SLC3A2: variants seen among roughly 807,000 people sequenced by gnomAD.
SLC3A2 encodes the protein amino acid transporter heavy chain SLC3A2.
Under a neutral mutation model 48.5 loss-of-function variants are expected in SLC3A2, and 32 were observed. That is an observed-to-expected ratio of 0.66 (90% CI 0.50 to 0.89). SLC3A2 has a LOEUF of 0.89. Ranked by LOEUF, SLC3A2 falls within the 40% of genes least tolerant of loss-of-function variation. SLC3A2 has a pLI of 0.00. For synonymous variants in SLC3A2, 277 were observed against 288.8 expected, an observed-to-expected ratio of 0.96 and a Z score of 0.41; for missense variants, 587 against 680.7, an observed-to-expected ratio of 0.86 and a Z score of 1.53.
Position 62,870,583 on chromosome 11 carries a change from A to G in SLC3A2, c.113-10436A>G, listed in dbSNP as rs140008805. On this transcript the variant is annotated intron_variant, in intron 1 of 9. Transcript: ENST00000377889. ...TTGGTAAATAGTTCATTCTTTCCCC[A>G]CTGATTATATTATCTCTGTCGTATA... Among the ~76,000 whole-genome samples, 564 of 151,644 alleles carry G rather than the reference A, an allele frequency of 3.7e-3. 7 individuals carry two copies. Among genetic ancestry groups the G allele is most frequent in the African/African-American group, 0.013 (545 of 41,278 alleles).
At chr11:62,865,280 C>T (rs977530323) in intron 1 of SLC3A2, among the ~76,000 whole-genome samples, 4 of 152,054 alleles carry the variant, frequency 2.6e-5, no homozygotes, top group South Asian at 2.1e-4. Flanking sequence ...CAGCCAGGTG[C>T]GGTGGCTCAT....
intron 5 of SLC3A2, 40 bp from the exon 6 acceptor site, chr11:62,885,133 ATTCT>A: frequency 6.2e-7 from 1 of 1,604,276 alleles, no homozygotes; most frequent in Non-Finnish European, 8.5e-7. Context: ...GCCTGGCCCC[ATTCT>A]TTCTTGTGCT....
upstream of SLC3A2, chr11:62,880,385 G>GCAGAGGTCTAGCGCCAAGTCC (rs2085616789): frequency 6.6e-6 from 1 of 152,426 alleles, no homozygotes; most frequent in Non-Finnish European, 1.5e-5. Context: ...CAGAGGTCTA[G>GCAGAGGTCTAGCGCCAAGTCC]CAGAGGTCTA....
In SLC3A2 at chr11:62,885,539, C is replaced by A. The variant is rs1447464348; in HGVS notation, c.1074C>A (p.Thr358=). The change falls in exon 7 of 9, where the codon ACC becomes ACA. Residue 358 remains threonine (T), a synonymous_variant. Transcript: ENST00000338663. ...GACTCTACCAGCTGATGCTCTTCAC[C>A]CTGCCAGGGACCCCTGTTTTCAGCT... ...LLRLYQLMLF[T]LPGTPVFSYG... The A allele has an allele frequency of 6.2e-7, 1 of 1,614,214 alleles. No homozygotes were observed. The highest frequency in any genetic ancestry group is 8.5e-7 in the Non-Finnish European group (1 of 1,180,040).
Position 62,888,720 on chromosome 11 carries a change from C to G in SLC3A2, c.*27C>G. The G allele has an allele frequency of 6.5e-7, 1 of 1,530,908 alleles. No homozygotes were observed. Among genetic ancestry groups the G allele is most frequent in the Non-Finnish European group, 8.7e-7 (1 of 1,143,322 alleles). 94.8% of individuals were successfully genotyped at this position (1,530,908 alleles called of 1,614,324 possible). On this transcript the variant is annotated 3_prime_UTR_variant, in exon 9 of 9. Transcript: ENST00000338663. ...TTCAGCCTGACATGGACCCACTACC[C>G]TTCTCCTTTCCTTCCCAGGCCCTTT...
At chr11:62,877,020 C>A, upstream of SLC3A2, 4 of 798,106 alleles carry the variant, frequency 5.0e-6, no homozygotes, top group African/African-American at 1.9e-5. Flanking sequence ...TTTGTCTTCA[C>A]ATGCTAGTTT....
chr11:62,877,413 A>T (rs1433583405), upstream of SLC3A2, among the ~76,000 whole-genome samples: 4 of 152,174 alleles, frequency 2.6e-5, no homozygotes, highest in African/African-American at 9.7e-5. Context: ...TAGTTCATCC[A>T]CTTATTTACC....
chr11:62,866,151 C>G (rs1401045734), intron 1 of SLC3A2, among the ~76,000 whole-genome samples: 1 of 147,914 alleles, frequency 6.8e-6, no homozygotes, highest in Non-Finnish European at 1.5e-5. Context: ...GAGTTTTGCT[C>G]TTGTCGCCCA....
At chr11:62,863,368 T>C (rs2085421668) in intron 1 of SLC3A2, among the ~76,000 whole-genome samples, 1 of 152,218 alleles carries the variant, frequency 6.6e-6, no homozygotes, top group African/African-American at 2.4e-5. Flanking sequence ...TGTAGGCATG[T>C]GCCATCACAC....
In SLC3A2 at chr11:62,888,651, G is replaced by A. The variant is rs2085748214; in HGVS notation, c.1548G>A (p.Glu516=). The A allele has an allele frequency of 3.7e-6, 6 of 1,604,290 alleles. No individual in the cohort carries two copies. The highest frequency in any genetic ancestry group is 5.1e-6 in the Non-Finnish European group (6 of 1,179,508). Residue 516 remains glutamate (E), a synonymous_variant, in exon 9 of 9, where the codon GAG becomes GAA. Coordinates refer to ENST00000338663, the MANE Select transcript of SLC3A2 (RefSeq NM_001013251.3). Reference sequence around the variant, plus strand: ...TTGAGCTGGAACGCCTGAAACTGGAGCCTCACGAAGGGCTGCTGCTCCGCT... The same window carrying A: ...TTGAGCTGGAACGCCTGAAACTGGAACCTCACGAAGGGCTGCTGCTCCGCT... ...SPLELERLKL[E]PHEGLLLRFP...
upstream of SLC3A2, chr11:62,880,421 G>A (rs1227197653): frequency 6.6e-6 from 1 of 152,512 alleles, no homozygotes; most frequent in Non-Finnish European, 1.5e-5. Flanking sequence ...GGCCTGAGAG[G>A]GCAAGCCTTG....
In SLC3A2 at chr11:62,888,339, T is replaced by A. The variant is rs767758776; in HGVS notation, c.1236T>A (p.Ser412Arg). 1 of 1,613,594 alleles carries A rather than the reference T, an allele frequency of 6.2e-7. No individual in the cohort carries two copies. The highest frequency in any genetic ancestry group is 1.1e-5 in the South Asian group (1 of 91,080). Reference protein sequence around the residue: ...VSANMTVKGQSEDPGSLLSLF... With the variant: ...VSANMTVKGQREDPGSLLSLF... ...GTTTTTATCATTCTTAGGGCCAGAGTGAAGACCCTGGCTCCCTCCTTTCCT... is the reference window on the plus strand; with the variant it reads ...GTTTTTATCATTCTTAGGGCCAGAGAGAAGACCCTGGCTCCCTCCTTTCCT... The change falls in exon 9 of 9, where the codon AGT becomes AGA. Residue 412 changes from serine to arginine, a missense_variant. Around this residue, in one of 3 missense-constraint regions of SLC3A2, gnomAD observed 169 missense variants for 204.4 expected, o/e 0.83. Coordinates refer to ENST00000338663, the MANE Select transcript of SLC3A2 (RefSeq NM_001013251.3).
At chr11:62,864,834 T>C (rs938903577) in intron 1 of SLC3A2, among the ~76,000 whole-genome samples, 3 of 151,526 alleles carry the variant, frequency 2.0e-5, no homozygotes, top group African/African-American at 7.3e-5. Context: ...AGTGGTGCAA[T>C]CTCGGCTCAC....
rs543098635 is a variant in SLC3A2, at chr11:62,858,335, A to C, written c.112+1954A>C. Among the ~76,000 whole-genome samples the C allele has an allele frequency of 8.3e-4, 126 of 152,210 alleles. 1 individual carries two copies. Among genetic ancestry groups the C allele is most frequent in the Non-Finnish European group, 1.4e-3 (94 of 68,042 alleles). The stretch of plus-strand genomic sequence containing the variant: ...CTCCAGCTGATTGTTGCCTTGCGAC[A>C]ATATTGTCTCTGTGTGATCAGATAG... On this transcript the variant is annotated intron_variant, in intron 1 of 9. Coordinates refer to the SLC3A2 transcript ENST00000377889.
intron 1 of SLC3A2, among the ~76,000 whole-genome samples, chr11:62,869,537 A>G: frequency 6.6e-6 from 1 of 150,690 alleles, no homozygotes; most frequent in Non-Finnish European, 1.5e-5. Flanking sequence ...AAAAAAAAAA[A>G]AAAAAAAAAG....
Position 62,881,259 on chromosome 11 carries a change from GC to G in SLC3A2, c.237del (p.Thr80ProfsTer23). ...LKVAGSPGWV[R>X]TRWALLLLFW... ...GTGGCAGGCAGCCCCGGCTGGGTAC[GC>G]ACCCGCTGGGCACTGCTGCTGCTCT... is the stretch of plus-strand genomic sequence containing the variant. On this transcript the variant is annotated frameshift_variant, in exon 1 of 9. Coordinates refer to ENST00000338663, the MANE Select transcript of SLC3A2 (RefSeq NM_001013251.3). LOFTEE classifies it high-confidence loss of function. This position sits in a 1 kb window ranked among gnomAD's most constrained non-coding sequence, Gnocchi z 4.0. The G allele has an allele frequency of 6.3e-7, 1 of 1,584,772 alleles. No individual in the cohort carries two copies. Among genetic ancestry groups the G allele is most frequent in the East Asian group, 2.3e-5 (1 of 43,768 alleles).
intron 1 of SLC3A2, chr11:62,871,506 C>T (rs1352864386): frequency 1.4e-5 from 7 of 498,128 alleles, no homozygotes; most frequent in Non-Finnish European, 2.5e-5. Context: ...TCCCAAAGTG[C>T]TGGGATTACA....
Position 62,880,985 on chromosome 11 carries a change from G to C in SLC3A2, c.-39G>C. 1 of 1,534,404 alleles carries C rather than the reference G, an allele frequency of 6.5e-7. No individual in the cohort carries two copies. The highest frequency in any genetic ancestry group is 8.8e-7 in the Non-Finnish European group (1 of 1,139,100). ...CCAGGTAGGGGTTGAGCCACCATCT[G>C]ACCGCAAGCTGCGTCGTGTCGCCGG... On this transcript the variant is annotated 5_prime_UTR_variant, in exon 1 of 9. Coordinates refer to ENST00000338663, the MANE Select transcript of SLC3A2 (RefSeq NM_001013251.3).
intron 1 of SLC3A2, among the ~76,000 whole-genome samples, chr11:62,868,912 T>G (rs1309773975): frequency 1.3e-5 from 2 of 152,056 alleles, no homozygotes; most frequent in East Asian, 3.9e-4. Flanking sequence ...TTGGCTTTTT[T>G]GTTTTTGAGA....
Sources: allele counts gnomAD v4.1 joint callset (sites outside exome capture counted in the v4.1 genomes callset), GRCh38; gene constraint gnomAD v4.1.1; regional missense constraint gnomAD v4.1.1; non-coding constraint Gnocchi (gnomAD v3.1); transcripts MANE v1.5; gene names NCBI Gene and HGNC (gene_info 2026-07-23, HGNC 2026-07-21).